The following MAGI1 variants were observed in gnomAD, a reference collection of about 807,000 sequenced individuals.
The protein encoded by MAGI1 is membrane-associated guanylate kinase, WW and PDZ domain-containing protein 1.
A neutral mutation model predicts 139.9 loss-of-function variants in MAGI1; 58 were observed. The ratio of observed to expected loss-of-function variants is 0.41; its 90% CI spans 0.34 to 0.52. MAGI1 has a LOEUF of 0.52. Ranked by LOEUF, MAGI1 falls within the 20% of genes least tolerant of loss-of-function variation. The pLI is 0.12. For synonymous variants in MAGI1, 812 were observed against 737.9 expected (o/e 1.10, Z -1.63); for missense variants, 1,874 against 1,901.6 (o/e 0.99, Z 0.27).
chr3:65,361,415 G>A lies in MAGI1; in HGVS notation c.3496-78C>T, dbSNP rs1348972504. On this transcript the variant is annotated intron_variant, in intron 21 of 22. Transcript: ENST00000402939. ...CCAAATGTTTATTAAGCACGTGGCA[G>A]AACATCTATTGCTTTGGAGGTGGCA... 11 of 1,446,818 alleles carry A rather than the reference G, an allele frequency of 7.6e-6. No homozygotes were observed. In the East Asian group the frequency reaches 2.5e-4, roughly 33 times the overall value. 89.6% of individuals were successfully genotyped at this position (1,446,818 alleles called of 1,614,324 possible).
intron 1 of MAGI1, among the ~76,000 whole-genome samples, chr3:65,707,758 A>G (rs1039527247): frequency 3.9e-5 from 6 of 151,958 alleles, no homozygotes; most frequent in Non-Finnish European, 7.4e-5. Flanking sequence ...AGCCACAAAG[A>G]TAAAAAGATA....
At chr3:65,629,591 CT>C (rs1422048852) in intron 1 of MAGI1, among the ~76,000 whole-genome samples, 2 of 151,098 alleles carry the variant, frequency 1.3e-5, no homozygotes, top group East Asian at 3.9e-4. Flanking sequence ...CAGTTCAGCA[CT>C]TCAGTTTTAT....
At chr3:65,711,768 G>T (rs1270673830) in intron 1 of MAGI1, among the ~76,000 whole-genome samples, 2 of 152,172 alleles carry the variant, frequency 1.3e-5, no homozygotes, top group Admixed American at 1.3e-4. Flanking sequence ...CAAGGAGCAA[G>T]GTCTCAGAAG....
At chr3:65,970,409 G>A (rs550004595) in intron 1 of MAGI1, among the ~76,000 whole-genome samples, 1 of 151,908 alleles carries the variant, frequency 6.6e-6, no homozygotes, top group African/African-American at 2.4e-5. Flanking sequence ...GTTGTGGAGA[G>A]GAATGGTGGT....
chr3:65,423,384 GCA>G lies in MAGI1; in HGVS notation c.2167+6134_2167+6135del, dbSNP rs71102855. Among the ~76,000 whole-genome samples the G allele has an allele frequency of 6.7e-4, 102 of 151,512 alleles. 1 individual carries two copies. The highest frequency in any genetic ancestry group is 2.2e-3 in the African/African-American group (89 of 41,302). Reference sequence around the variant, plus strand: ...AAAACACACGTGCGTGCACACACGCGCACACACACACACACAGAGAAGAGCTA... The same window carrying G: ...AAAACACACGTGCGTGCACACACGCGCACACACACACACAGAGAAGAGCTA... On this transcript the variant is annotated intron_variant, in intron 12 of 22. Transcript: ENST00000402939.
intron 1 of MAGI1, among the ~76,000 whole-genome samples, chr3:65,826,102 C>T (rs2042214881): frequency 6.7e-6 from 1 of 150,344 alleles, no homozygotes; most frequent in Non-Finnish European, 1.5e-5. Context: ...CACATATATA[C>T]ATGCATGGTA....
chr3:65,979,727 G>A (rs1181040636), intron 1 of MAGI1, among the ~76,000 whole-genome samples: 4 of 152,052 alleles, frequency 2.6e-5, no homozygotes. Context: ...CAATCCAAAG[G>A]GTGCTCATAA....
chr3:65,559,978 A>G (rs1298791698), intron 2 of MAGI1, among the ~76,000 whole-genome samples: 1 of 152,116 alleles, frequency 6.6e-6, no homozygotes, highest in Non-Finnish European at 1.5e-5. Flanking sequence ...CGTGGCTACA[A>G]TGAGCCAAGA....
chr3:65,666,197 C>G (rs2086510217), intron 1 of MAGI1, among the ~76,000 whole-genome samples: 1 of 152,204 alleles, frequency 6.6e-6, no homozygotes, highest in Non-Finnish European at 1.5e-5. Flanking sequence ...AAATTTCCCA[C>G]CTCTTTAAAA....
chr3:65,872,517 T>C (rs749733343), intron 1 of MAGI1, among the ~76,000 whole-genome samples: 3 of 152,088 alleles, frequency 2.0e-5, no homozygotes, highest in African/African-American at 2.4e-5. Flanking sequence ...GAGTGTGAGA[T>C]TAAAACAGAA....
intron 1 of MAGI1, among the ~76,000 whole-genome samples, chr3:65,691,704 C>T (rs562734421): frequency 2.6e-5 from 4 of 152,288 alleles, no homozygotes; most frequent in African/African-American, 7.2e-5. Context: ...ATTTAAATCT[C>T]ACTACCTCAG....
chr3:65,503,246 T>G (rs1013581192), intron 2 of MAGI1, among the ~76,000 whole-genome samples: 1 of 152,122 alleles, frequency 6.6e-6, no homozygotes, highest in Non-Finnish European at 1.5e-5. Context: ...CTATAACACA[T>G]TATAAAATAA....
chr3:65,856,339 A>G (rs537036141), intron 1 of MAGI1, among the ~76,000 whole-genome samples: 10 of 152,272 alleles, frequency 6.6e-5, no homozygotes, highest in Non-Finnish European at 8.8e-5. Context: ...AATCAAATGC[A>G]CAGCTTATCC....
At chr3:65,716,306 A>ACT (rs2032239468) in intron 1 of MAGI1, among the ~76,000 whole-genome samples, 1 of 152,220 alleles carries the variant, frequency 6.6e-6, no homozygotes, top group African/African-American at 2.4e-5. Flanking sequence ...TCTGTTAGAA[A>ACT]ACACACAGAC....
intron 1 of MAGI1, among the ~76,000 whole-genome samples, chr3:65,655,608 G>A (rs62245005): frequency 5.3e-5 from 8 of 152,088 alleles, no homozygotes; most frequent in African/African-American, 1.2e-4. Context: ...ATTTATTGCC[G>A]GACAGTGCTA....
intron 12 of MAGI1, among the ~76,000 whole-genome samples, chr3:65,429,243 G>A (rs1947301473): frequency 6.6e-6 from 1 of 152,004 alleles, no homozygotes; most frequent in African/African-American, 2.4e-5. Flanking sequence ...GACTACAGGT[G>A]GGTACCACCA....
chr3:65,469,971 TA>T (rs1255630885), intron 5 of MAGI1: 3 of 148,184 alleles, frequency 2.0e-5, no homozygotes, highest in African/African-American at 7.3e-5. Flanking sequence ...TATTTAAATA[TA>T]TAAAAATATA....
intron 2 of MAGI1, among the ~76,000 whole-genome samples, chr3:65,566,578 A>G (rs2080660892): frequency 6.6e-6 from 1 of 152,158 alleles, no homozygotes; most frequent in Non-Finnish European, 1.5e-5. Flanking sequence ...GGTGGCATAC[A>G]TACTCAGAAG....
At chr3:66,009,819 C>A (rs1316497774) in intron 1 of MAGI1, among the ~76,000 whole-genome samples, 2 of 151,998 alleles carry the variant, frequency 1.3e-5, no homozygotes, top group African/African-American at 4.8e-5. Flanking sequence ...ATAATCCCAG[C>A]ACTTTGGGAG....
Sources: gnomAD v4.1 joint callset for allele counts (sites outside exome capture counted in the v4.1 genomes callset) on GRCh38, gnomAD v4.1.1 for gene constraint, MANE v1.5 for transcripts, NCBI Gene and HGNC (gene_info 2026-07-23, HGNC 2026-07-21) for gene names.